Variants in BCAS3 observed in about 807,000 individuals in gnomAD.
BCAS3 encodes BCAS4/BCAS3 fusion.
Under a neutral mutation model 116.1 loss-of-function variants are expected in BCAS3, and 53 were observed. The ratio of observed to expected loss-of-function variants is 0.46; its 90% CI spans 0.37 to 0.57. The LOEUF (loss-of-function observed/expected upper bound fraction) is 0.57, where lower values mean the gene tolerates loss of function less well. Ranked by LOEUF, BCAS3 falls within the 20% of genes least tolerant of loss-of-function variation. BCAS3 has a pLI of 0.00. For synonymous variants in BCAS3, 391 were observed against 408.2 expected, an observed-to-expected ratio of 0.96 and a Z score of 0.51; for missense variants, 917 against 1,165.4, an observed-to-expected ratio of 0.79 and a Z score of 3.10.
intron 22 of BCAS3, among the ~76,000 whole-genome samples, chr17:61,116,020 T>G (rs1420277911): frequency 6.9e-6 from 1 of 144,550 alleles, no homozygotes; most frequent in Non-Finnish European, 1.5e-5. Flanking sequence ...ATATTCTCAC[T>G]CATAGGTGGG....
rs149644462 is a variant in BCAS3 at position 61,077,868 on chromosome 17, G to A, written c.2131-465G>A. On this transcript the variant is annotated intron_variant, in intron 20 of 23. Coordinates refer to ENST00000407086, the MANE Select transcript of BCAS3 (RefSeq NM_017679.5). The surrounding 1 kb of genome is among the most constrained non-coding windows in gnomAD (Gnocchi z 4.3). ...TTGGATGGTTCAAGAACAACTTCAC[G>A]TTTGTCATAAGCTTGATCCTCAGTG... Among the ~76,000 whole-genome samples, 58 of 152,186 alleles carry A rather than the reference G, an allele frequency of 3.8e-4. No individual in the cohort carries two copies. In the East Asian group the frequency reaches 8.9e-3, roughly 23 times the overall value.
rs2042081044 is a variant in BCAS3, at chr17:60,747,212, A to C, written c.336A>C (p.Ala112=). The C allele has an allele frequency of 1.2e-6, 2 of 1,612,796 alleles. No homozygotes were observed. Among genetic ancestry groups the C allele is most frequent in the Admixed American group, 1.7e-5 (1 of 59,988 alleles). ...CTCTTATGCAGATCAGTGGTGAAGC[A>C]CAAGAGCTCTTCTCTGTTCGACATG... ...QVWSIPISGE[A]QELFSVRHGP... is the part of the protein sequence containing the mutation. The change falls in exon 6 of 24, where the codon GCA becomes GCC. Residue 112 remains alanine, a synonymous_variant. Coordinates refer to ENST00000407086, the MANE Select transcript of BCAS3 (RefSeq NM_017679.5).
rs1016068163 is a variant in BCAS3, at chr17:61,132,053, C to T, written c.2425+47489C>T. 2.6e-5 allele frequency among the ~76,000 whole-genome samples: 4 copies of T among 152,164 alleles called. No individual in the cohort carries two copies. The highest frequency in any genetic ancestry group is 1.3e-4 in the Admixed American group (2 of 15,282). Reference sequence around the variant, plus strand: ...CGTGTTCTCCTTATAGCCACTCTGTCCCCAAAGAAGTTTTTAATGCTTTGA... The same window carrying T: ...CGTGTTCTCCTTATAGCCACTCTGTTCCCAAAGAAGTTTTTAATGCTTTGA... On this transcript the variant is annotated intron_variant, in intron 22 of 23. Coordinates refer to ENST00000407086, the MANE Select transcript of BCAS3 (RefSeq NM_017679.5). This position sits in a 1 kb window ranked among gnomAD's most constrained non-coding sequence, Gnocchi z 5.1.
At chr17:60,835,866 G>A (rs2051327332) in intron 7 of BCAS3, among the ~76,000 whole-genome samples, 1 of 151,996 alleles carries the variant, frequency 6.6e-6, no homozygotes, top group South Asian at 2.1e-4. Flanking sequence ...ATTCACAAAA[G>A]GTAGAATGTC....
intron 23 of BCAS3, chr17:61,384,254 A>T (rs73993479): frequency 0.046 from 6,984 of 152,352 alleles, 411 homozygotes; most frequent in African/African-American, 0.14. Context: ...GAGTAGCTGG[A>T]GCTAGGAGAG....
intron 9 of BCAS3, among the ~76,000 whole-genome samples, chr17:60,877,161 A>G (rs1009416446): frequency 1.4e-5 from 2 of 147,280 alleles, no homozygotes; most frequent in Non-Finnish European, 3.0e-5. Flanking sequence ...AGTGGTGAAT[A>G]TTTTAAGAAA....
At position 61,227,694 on chromosome 17, in the gene BCAS3, G is replaced by C. The variant is rs1296225291; in HGVS notation, c.2426-140633G>C. The stretch of plus-strand genomic sequence containing the variant: ...GCCCATCAGGTTGGAGCACACTCGG[G>C]AAAGTTCTTGCTACTCCGAAGGTGA... On this transcript the variant is annotated intron_variant, in intron 22 of 23. Transcript: ENST00000407086. The surrounding 1 kb of genome is among the most constrained non-coding windows in gnomAD (Gnocchi z 6.1). 6.6e-6 allele frequency among the ~76,000 whole-genome samples: 1 copy of C among 152,218 alleles called. No homozygotes were observed. The highest frequency in any genetic ancestry group is 1.9e-4 in the East Asian group (1 of 5,202).
chr17:61,234,061 G>A (rs2082851033), intron 22 of BCAS3, among the ~76,000 whole-genome samples: 1 of 151,816 alleles, frequency 6.6e-6, no homozygotes, highest in Admixed American at 6.6e-5. Flanking sequence ...GCTAGTAGAG[G>A]GTGCCATTCA....
intron 7 of BCAS3, among the ~76,000 whole-genome samples, chr17:60,843,919 ATTTTGCCCTG>A (rs1298061956): frequency 6.6e-6 from 1 of 152,166 alleles, no homozygotes; most frequent in East Asian, 1.9e-4. Flanking sequence ...AGTGGGAAGG[ATTTTGCCCTG>A]TTTTGCGCTC....
chr17:61,041,986 G>A lies in BCAS3; in HGVS notation c.2029+1094G>A, dbSNP rs554171015. 5.9e-5 allele frequency among the ~76,000 whole-genome samples: 9 copies of A among 152,108 alleles called. No homozygotes were observed. Among genetic ancestry groups the A allele is most frequent in the Middle Eastern group, 3.4e-3 (1 of 294 alleles). ...TTTAATAAAAAAGTAAAATAAAGTG[G>A]GGTAGGTGTGTCAGTGGAGGGTTAT... On this transcript the variant is annotated intron_variant, in intron 19 of 23. Coordinates refer to ENST00000407086, the MANE Select transcript of BCAS3 (RefSeq NM_017679.5). This position sits in a 1 kb window ranked among gnomAD's most constrained non-coding sequence, Gnocchi z 4.7.
intron 22 of BCAS3, among the ~76,000 whole-genome samples, chr17:61,296,721 C>G (rs1426982127): frequency 6.6e-6 from 1 of 152,150 alleles, no homozygotes. Flanking sequence ...AAATTATTGA[C>G]TAAACCAAGT....
intron 5 of BCAS3, among the ~76,000 whole-genome samples, chr17:60,724,452 C>T (rs981287551): frequency 1.5e-4 from 20 of 137,360 alleles, no homozygotes; most frequent in African/African-American, 5.0e-4. Context: ...AGGCCGGATG[C>T]GGTGGCTCAT....
intron 5 of BCAS3, among the ~76,000 whole-genome samples, chr17:60,746,779 G>A (rs74339751): frequency 0.034 from 5,120 of 152,110 alleles, 242 homozygotes; most frequent in African/African-American, 0.1. Context: ...TTTCACCTAC[G>A]TGTTCTTTGC....
intron 22 of BCAS3, among the ~76,000 whole-genome samples, chr17:61,184,458 G>A (rs571306819): frequency 6.6e-6 from 1 of 152,206 alleles, no homozygotes; most frequent in African/African-American, 2.4e-5. Context: ...ACCAAGAGCT[G>A]GTGAGGATGT....
At chr17:61,040,992 C>A in intron 19 of BCAS3, 100 bp downstream of exon 19, 1 of 953,472 alleles carries the variant, frequency 1.0e-6, no homozygotes, top group Non-Finnish European at 1.6e-6. Context: ...GTCCATAGGC[C>A]ATGGGCCTTA....
At chr17:61,067,273 G>GTGTATATA (rs1251223420) in intron 19 of BCAS3, among the ~76,000 whole-genome samples, 23 of 58,802 alleles carry the variant, frequency 3.9e-4, no homozygotes, top group East Asian at 3.1e-3. Context: ...GTGTGTATGT[G>GTGTATATA]TATATATATA....
chr17:60,742,281 C>T (rs1299396872), intron 5 of BCAS3, among the ~76,000 whole-genome samples: 1 of 152,238 alleles, frequency 6.6e-6, no homozygotes, highest in East Asian at 1.9e-4. Flanking sequence ...TACAGTAGCC[C>T]AGTCAAAGAC....
Position 61,141,666 on chromosome 17 carries a change from G to T in BCAS3, c.2425+57102G>T. Among the ~76,000 whole-genome samples, 1 of 152,290 alleles carries T rather than the reference G, an allele frequency of 6.6e-6. No individual in the cohort carries two copies. Among genetic ancestry groups the T allele is most frequent in the Non-Finnish European group, 1.5e-5 (1 of 68,022 alleles). ...ACCTGTAATCCCAGCTCTTTGAGAG[G>T]CTGAGGTGGGCGGATCACGAGGTCA... On this transcript the variant is annotated intron_variant, in intron 22 of 23. Transcript: ENST00000407086. The surrounding 1 kb of genome is among the most constrained non-coding windows in gnomAD (Gnocchi z 4.3).
At chr17:60,729,639 A>G (rs1386011817) in intron 5 of BCAS3, among the ~76,000 whole-genome samples, 2 of 152,202 alleles carry the variant, frequency 1.3e-5, no homozygotes, top group African/African-American at 2.4e-5. Context: ...TTAATTATCT[A>G]TTGCAAATCT....
Sources: allele counts gnomAD v4.1 joint callset (sites outside exome capture counted in the v4.1 genomes callset), GRCh38; gene constraint gnomAD v4.1.1; non-coding constraint Gnocchi (gnomAD v3.1); transcripts MANE v1.5; gene names NCBI Gene and HGNC (gene_info 2026-07-23, HGNC 2026-07-21).